Variants in OPRM1 observed in about 807,000 individuals in gnomAD.
OPRM1 encodes opioid receptor mu 1.
OPRM1 carries 27 observed loss-of-function variants against 31.8 expected under a neutral mutation model. That is an observed-to-expected ratio of 0.85 (90% confidence interval 0.63 to 1.17). The LOEUF (loss-of-function observed/expected upper bound fraction) is 1.17. Among genes scored for constraint, OPRM1 ranks in the 50% most tolerant of loss-of-function variants. OPRM1 has a pLI of 0.00. For missense variants in OPRM1, 536 were observed against 511.1 expected, an observed-to-expected ratio of 1.05 and a Z score of -0.47; for synonymous variants, 196 against 189.9, an observed-to-expected ratio of 1.03 and a Z score of -0.26.
intron 3 of OPRM1, among the ~76,000 whole-genome samples, chr6:154,239,299 G>A (rs1487203810): frequency 6.6e-6 from 1 of 151,678 alleles, no homozygotes; most frequent in East Asian, 1.9e-4. Context: ...CTATGACAGG[G>A]GAACCATTAT....
intron 3 of OPRM1, among the ~76,000 whole-genome samples, chr6:154,180,092 C>G (rs1800702691): frequency 6.6e-6 from 1 of 152,134 alleles, no homozygotes; most frequent in African/African-American, 2.4e-5. Context: ...CATAAAGCAG[C>G]ACTCTGTATT....
At chr6:154,037,047 G>C (rs1181551441), upstream of OPRM1, among the ~76,000 whole-genome samples, 1 of 151,786 alleles carries the variant, frequency 6.6e-6, no homozygotes. Flanking sequence ...GATCTTGGTG[G>C]ATAAGAATCA....
chr6:154,141,479 G>A (rs1177114918), intron 3 of OPRM1, among the ~76,000 whole-genome samples: 2 of 152,192 alleles, frequency 1.3e-5, no homozygotes, highest in Non-Finnish European at 2.9e-5. Context: ...TGTGAAGCCC[G>A]AAAATTTGAG....
At chr6:154,199,258 A>G (rs2295676) in intron 3 of OPRM1, among the ~76,000 whole-genome samples, 109,506 of 152,216 alleles carry the variant, frequency 0.72, 40,351 homozygotes, top group East Asian at 0.89. Flanking sequence ...CACAGCCCAG[A>G]GAAAGTGGCT....
At chr6:154,141,617 T>C (rs1273829369) in intron 3 of OPRM1, among the ~76,000 whole-genome samples, 2 of 152,220 alleles carry the variant, frequency 1.3e-5, no homozygotes, top group African/African-American at 4.8e-5. Flanking sequence ...TTATACATTT[T>C]TGGGAGACGT....
chr6:154,096,897 T>C (rs897889582), intron 3 of OPRM1, among the ~76,000 whole-genome samples: 1 of 152,184 alleles, frequency 6.6e-6, no homozygotes, highest in African/African-American at 2.4e-5. Context: ...TAAATTATAG[T>C]TTGTTATGTG....
At chr6:154,016,776 G>C (rs747035794) in intron 1 of OPRM1, among the ~76,000 whole-genome samples, 21 of 152,176 alleles carry the variant, frequency 1.4e-4, no homozygotes, top group Non-Finnish European at 2.9e-4. Context: ...AAACACATAC[G>C]TGTGGACTGT....
At chr6:154,222,167 A>C (rs1285001155) in intron 3 of OPRM1, among the ~76,000 whole-genome samples, 1 of 152,248 alleles carries the variant, frequency 6.6e-6, no homozygotes, top group African/African-American at 2.4e-5. Flanking sequence ...AATAGATTTT[A>C]ATATAAAAGA....
chr6:154,029,871 CAT>C lies in OPRM1; in HGVS notation c.1-9289_1-9288del, dbSNP rs556140034. On this transcript the variant is annotated intron_variant, in intron 1 of 5. Transcript: ENST00000434900. ...CTTGCCGCTGCCATGTGAAGAAGGA[CAT>C]GTTTGCTTCCCCGTCTGCCATGATT... Among the ~76,000 whole-genome samples, 20 of 152,298 alleles carry C rather than the reference CAT, an allele frequency of 1.3e-4. No homozygotes were observed. The East Asian group carries it at 3.7e-3, about 28-fold the overall frequency.
chr6:154,217,691 A>G (rs1046902982), intron 3 of OPRM1, among the ~76,000 whole-genome samples: 3 of 152,232 alleles, frequency 2.0e-5, no homozygotes, highest in Non-Finnish European at 4.4e-5. Context: ...ACCAGGCAAA[A>G]CATAACAATT....
intron 3 of OPRM1, chr6:154,092,052 G>T: frequency 3.4e-6 from 1 of 294,012 alleles, no homozygotes; most frequent in Non-Finnish European, 5.1e-6. Flanking sequence ...AAACATATTA[G>T]ACTGAATAAT....
At chr6:154,019,505 T>C (rs1778218717) in intron 1 of OPRM1, among the ~76,000 whole-genome samples, 4 of 152,124 alleles carry the variant, frequency 2.6e-5, no homozygotes, top group African/African-American at 9.7e-5. Context: ...TATAGTACCA[T>C]ATAGAATAGT....
intron 3 of OPRM1, among the ~76,000 whole-genome samples, chr6:154,149,340 C>T (rs1196997931): frequency 6.6e-6 from 1 of 152,134 alleles, no homozygotes; most frequent in East Asian, 1.9e-4. Context: ...ATCACAAGAA[C>T]AGCATGGGGG....
At chr6:154,071,555 A>T (rs543698397) in intron 1 of OPRM1, among the ~76,000 whole-genome samples, 43 of 137,324 alleles carry the variant, frequency 3.1e-4, no homozygotes, top group African/African-American at 8.6e-4. Flanking sequence ...CTGTAGTTTT[A>T]AAAAAAAAAT....
At chr6:154,187,551 C>T (rs1336711011) in intron 3 of OPRM1, among the ~76,000 whole-genome samples, 1 of 152,180 alleles carries the variant, frequency 6.6e-6, no homozygotes, top group East Asian at 1.9e-4. Context: ...AGGTGGGTGA[C>T]CTGTACTACC....
chr6:154,229,719 G>A (rs9397697), intron 3 of OPRM1, among the ~76,000 whole-genome samples: 32,466 of 152,084 alleles, frequency 0.21, 4,209 homozygotes, highest in Admixed American at 0.42. Flanking sequence ...TCTACTCCTA[G>A]GTGTCTACCC....
rs555715550 is a variant in OPRM1 at position 154,093,627 on chromosome 6, C to G, written c.1164+2155C>G. ...ACATCCAATTAGGCCTTATCTTCAT[C>G]GCTGCCTCTATGAAGCAGTATCAGT... On this transcript the variant is annotated intron_variant, in intron 3 of 3. Coordinates refer to ENST00000330432, the MANE Select transcript of OPRM1 (RefSeq NM_000914.5). The G allele has an allele frequency of 1.1e-4, 127 of 1,135,358 alleles. 3 individuals are homozygous for G. The South Asian group carries it at 1.9e-3, about 17-fold the overall frequency. The allele number at this position is 1,135,358 out of a possible 1,614,324, so 70.3% of individuals were successfully genotyped here. A position where few individuals can be genotyped will look rare whatever the true frequency, so the allele number is the denominator to read the frequency against.
At chr6:154,232,818 A>ATG (rs752291016) in intron 3 of OPRM1, among the ~76,000 whole-genome samples, 40 of 152,156 alleles carry the variant, frequency 2.6e-4, no homozygotes, top group Non-Finnish European at 5.4e-4. Context: ...ATTAACATAG[A>ATG]TGTGTGTAAT....
intron 3 of OPRM1, chr6:154,212,768 AC>A: frequency 6.2e-7 from 1 of 1,601,870 alleles, no homozygotes; most frequent in African/African-American, 1.3e-5. Context: ...GTCGGTACAT[AC>A]CAAAGACTGA....
Sources: allele counts gnomAD v4.1 joint callset (sites outside exome capture counted in the v4.1 genomes callset), GRCh38; gene constraint gnomAD v4.1.1; transcripts MANE v1.5; gene names NCBI Gene and HGNC (gene_info 2026-07-23, HGNC 2026-07-21).